GRIK4: variants seen among roughly 807,000 people sequenced by gnomAD.
GRIK4 encodes the protein glutamate receptor ionotropic, kainate 4.
In GRIK4, 40 loss-of-function variants were observed where a neutral mutation model predicts 104.9. The observed-to-expected ratio is 0.38, with a 90% CI of 0.30 to 0.50. The LOEUF (loss-of-function observed/expected upper bound fraction) is 0.50. Ranked by LOEUF, GRIK4 falls within the 20% of genes least tolerant of loss-of-function variation. The probability of loss-of-function intolerance (pLI) is 0.93; values close to 1 mark genes in which losing one functional copy is unlikely to be tolerated. For synonymous variants in GRIK4, 485 were observed against 524.9 expected (o/e 0.92, Z 1.04); for missense variants, 1,047 against 1,308.1 (o/e 0.80, Z 3.08).
chr11:120,540,677 A>G (rs962322918), intron 1 of GRIK4, among the ~76,000 whole-genome samples: 1 of 152,200 alleles, frequency 6.6e-6, no homozygotes, highest in Non-Finnish European at 1.5e-5. Context: ...GAGGCTCACT[A>G]ACACCCAGGG....
intron 8 of GRIK4, among the ~76,000 whole-genome samples, chr11:120,860,705 A>G (rs1411143048): frequency 2.0e-5 from 3 of 152,230 alleles, no homozygotes; most frequent in Non-Finnish European, 4.4e-5. Context: ...CATGTCTGGC[A>G]CATGATAAAT....
At position 120,543,967 on chromosome 11, in the gene GRIK4, CAG is replaced by C. The variant is rs1271278975; in HGVS notation, c.-159+32081_-159+32082del. ...AAGCAGAGGGTAGAATGATGGTTGT[CAG>C]GGGCTGGTGGGGAGGGGAAATGAGT... On this transcript the variant is annotated intron_variant, in intron 1 of 20. Coordinates refer to ENST00000527524, the MANE Select transcript of GRIK4 (RefSeq NM_014619.5). Among the ~76,000 whole-genome samples the C allele has an allele frequency of 3.3e-5, 5 of 152,300 alleles. No homozygotes were observed. In the East Asian group the frequency reaches 9.6e-4, roughly 29 times the overall value.
chr11:120,585,993 G>A (rs973679960), intron 1 of GRIK4, among the ~76,000 whole-genome samples: 2 of 144,780 alleles, frequency 1.4e-5, no homozygotes, highest in African/African-American at 5.9e-5. Flanking sequence ...TGCCCATGGG[G>A]CATAAGAGTG....
At chr11:120,624,865 GATT>G (rs1397992139) in intron 1 of GRIK4, among the ~76,000 whole-genome samples, 1 of 152,166 alleles carries the variant, frequency 6.6e-6, no homozygotes. Context: ...TCATGTATTT[GATT>G]ATCTTGGGGG....
chr11:120,896,340 A>G (rs1942581179), intron 11 of GRIK4, among the ~76,000 whole-genome samples: 1 of 152,178 alleles, frequency 6.6e-6, no homozygotes, highest in African/African-American at 2.4e-5. Context: ...CAGTTTCCTT[A>G]TCTGTAAAAC....
chr11:120,898,715 C>T, intron 12 of GRIK4, 76 bp downstream of exon 12: 1 of 794,764 alleles, frequency 1.3e-6, no homozygotes, highest in East Asian at 2.6e-5. Flanking sequence ...ACAGGCTGCC[C>T]CTTGAACAGA....
chr11:120,814,037 C>A (rs1425162015), intron 4 of GRIK4, among the ~76,000 whole-genome samples: 1 of 152,202 alleles, frequency 6.6e-6, no homozygotes, highest in Non-Finnish European at 1.5e-5. Flanking sequence ...TAGATTCTCT[C>A]CCCCTCCTCT....
At chr11:120,726,515 C>T (rs1370231159) in intron 3 of GRIK4, among the ~76,000 whole-genome samples, 1 of 152,174 alleles carries the variant, frequency 6.6e-6, no homozygotes, top group African/African-American at 2.4e-5. Context: ...CCATTAATCA[C>T]GTCCATTGGC....
chr11:120,678,053 T>C (rs1276229655), intron 3 of GRIK4, among the ~76,000 whole-genome samples: 3 of 152,214 alleles, frequency 2.0e-5, no homozygotes, highest in Non-Finnish European at 2.9e-5. Flanking sequence ...AACCCCATGC[T>C]CTATCTATTA....
At chr11:120,584,721 G>A (rs573506952) in intron 1 of GRIK4, among the ~76,000 whole-genome samples, 1 of 152,336 alleles carries the variant, frequency 6.6e-6, no homozygotes, top group Non-Finnish European at 1.5e-5. Context: ...TGGCTCATTA[G>A]TTTGAGGTAT....
At chr11:120,777,489 G>T (rs1001787571) in intron 3 of GRIK4, among the ~76,000 whole-genome samples, 7 of 152,246 alleles carry the variant, frequency 4.6e-5, no homozygotes, top group African/African-American at 1.7e-4. Context: ...TTGAGTGAGT[G>T]CCCACTGTGT....
chr11:120,684,536 G>A lies in GRIK4; in HGVS notation c.82+24136G>A, dbSNP rs17124194. Among the ~76,000 whole-genome samples the A allele has an allele frequency of 7.7e-3, 1,169 of 152,294 alleles. 13 individuals carry two copies. The highest frequency in any genetic ancestry group is 0.026 in the African/African-American group (1,094 of 41,538). On this transcript the variant is annotated intron_variant, in intron 3 of 20. Transcript: ENST00000527524. ...GAAAAGTGAATGACAGTGCAAGACC[G>A]TTTAGTTACTTTAGCAAGGCAAAAC...
chr11:120,623,386 G>A (rs1949213552), intron 1 of GRIK4, among the ~76,000 whole-genome samples: 1 of 152,192 alleles, frequency 6.6e-6, no homozygotes, highest in Non-Finnish European at 1.5e-5. Context: ...TCCCGCCTTG[G>A]ACTCCCAAAG....
At chr11:120,732,759 A>G (rs1951157994) in intron 3 of GRIK4, among the ~76,000 whole-genome samples, 2 of 152,198 alleles carry the variant, frequency 1.3e-5, no homozygotes, top group Admixed American at 1.3e-4. Context: ...GACGTAGCAT[A>G]TGGTCTGTCC....
chr11:120,696,853 C>CT (rs1418498420), intron 3 of GRIK4, among the ~76,000 whole-genome samples: 3 of 152,294 alleles, frequency 2.0e-5, no homozygotes, highest in Admixed American at 1.3e-4. Flanking sequence ...CTTCCTAACT[C>CT]TTAGGCTGTC....
chr11:120,849,052 A>T (rs1365360365), intron 8 of GRIK4, among the ~76,000 whole-genome samples: 6 of 152,170 alleles, frequency 3.9e-5, no homozygotes, highest in Admixed American at 2.6e-4. Flanking sequence ...GACAAATAGC[A>T]TGACAGGGAA....
intron 10 of GRIK4, among the ~76,000 whole-genome samples, chr11:120,874,707 C>G (rs1215107714): frequency 1.3e-5 from 2 of 152,168 alleles, no homozygotes; most frequent in Non-Finnish European, 2.9e-5. Context: ...GTCAGAGAAG[C>G]CTGCTGCAGC....
chr11:120,666,099 T>G (rs1006616168), intron 3 of GRIK4, among the ~76,000 whole-genome samples: 2 of 152,160 alleles, frequency 1.3e-5, no homozygotes, highest in Non-Finnish European at 2.9e-5. Flanking sequence ...GCCCTTTTGG[T>G]GGTGCCAGGA....
chr11:120,938,190 C>T (rs34916221), intron 13 of GRIK4, among the ~76,000 whole-genome samples: 3 of 152,238 alleles, frequency 2.0e-5, no homozygotes, highest in African/African-American at 7.2e-5. Flanking sequence ...AAATCAGTGC[C>T]TCTGTTGTGG....
Sources: allele counts gnomAD v4.1 joint callset (sites outside exome capture counted in the v4.1 genomes callset), GRCh38; gene constraint gnomAD v4.1.1; transcripts MANE v1.5; gene names NCBI Gene and HGNC (gene_info 2026-07-23, HGNC 2026-07-21).